TRAPPC13: variants seen among roughly 807,000 people sequenced by gnomAD.
TRAPPC13 encodes the protein REV7-interacting novel NHEJ regulator 1.
In TRAPPC13, 39 loss-of-function variants were observed where a neutral mutation model predicts 54.0. That is an observed-to-expected ratio of 0.72 (90% CI 0.56 to 0.94). The LOEUF (loss-of-function observed/expected upper bound fraction) is 0.94, where lower values mean the gene tolerates loss of function less well. Among genes scored for constraint, TRAPPC13 ranks in the 40% least tolerant of loss-of-function variants. The pLI is 0.00. For missense variants in TRAPPC13, 386 were observed against 488.1 expected (o/e 0.79, Z 1.97); for synonymous variants, 148 against 167.7 (o/e 0.88, Z 0.91).
Position 65,662,109 on chromosome 5 carries a change from T to C in TRAPPC13, c.957T>C (p.Leu319=), listed in dbSNP as rs1483129640. The change falls in exon 11 of 13, where the codon CTT becomes CTC. Residue 319 remains leucine (L), a synonymous_variant. Coordinates refer to ENST00000399438, the MANE Select transcript of TRAPPC13 (RefSeq NM_024941.4). The part of the protein sequence containing the change: ...SLEAIPDTVN[L]EEPFHITCKI... ...AGGCAATACCAGATACCGTAAACCT[T>C]GAAGAACCTTTTCATATTACCTGTA... The C allele has an allele frequency of 1.2e-6, 2 of 1,609,060 alleles. No homozygotes were observed. Among genetic ancestry groups the C allele is most frequent in the Non-Finnish European group, 1.7e-6 (2 of 1,177,772 alleles).
chr5:65,664,021 G>C (rs1756934176), intron 11 of TRAPPC13: 1 of 510,004 alleles, frequency 2.0e-6, no homozygotes, highest in East Asian at 3.4e-5. Context: ...AGGCAGATTA[G>C]TCTGAGGCTA....
intron 4 of TRAPPC13, 42 bp downstream of exon 4, chr5:65,637,822 A>G (rs1755809064): frequency 1.5e-6 from 2 of 1,333,736 alleles, no homozygotes; most frequent in East Asian, 2.5e-5. Flanking sequence ...AGTCTTTAAC[A>G]AAGGTTTTTT....
At chr5:65,632,986 G>A (rs560370162) in intron 1 of TRAPPC13, among the ~76,000 whole-genome samples, 53 of 152,290 alleles carry the variant, frequency 3.5e-4, no homozygotes, top group South Asian at 1.2e-3. Context: ...ACTGAACGTA[G>A]TACATAAGAG....
chr5:65,647,000 C>T, intron 4 of TRAPPC13, 55 bp from the exon 5 acceptor site: 2 of 1,485,306 alleles, frequency 1.3e-6, no homozygotes, highest in East Asian at 2.5e-5. Flanking sequence ...CATGCACACC[C>T]TGTAGGTAAC....
intron 1 of TRAPPC13, among the ~76,000 whole-genome samples, chr5:65,629,141 CTT>C (rs1399703894): frequency 1.3e-5 from 2 of 152,076 alleles, no homozygotes; most frequent in Admixed American, 6.6e-5. Context: ...TTCATTTACT[CTT>C]TGTTTCTGCT....
Position 65,658,516 on chromosome 5 carries a change from A to G in TRAPPC13, c.698+15A>G. 1 of 1,541,074 alleles carries G rather than the reference A, an allele frequency of 6.5e-7. No individual in the cohort carries two copies. Among genetic ancestry groups the G allele is most frequent in the Non-Finnish European group, 8.8e-7 (1 of 1,140,568 alleles). ...GCTGGAGAATGGTAAATATTAATTT[A>G]TGAAGTCTTTATCCTTGTTTTGAAA... On this transcript the variant is annotated intron_variant, in intron 9 of 12. Coordinates refer to ENST00000399438, the MANE Select transcript of TRAPPC13 (RefSeq NM_024941.4).
chr5:65,627,096 C>T (rs1253843480), intron 1 of TRAPPC13, among the ~76,000 whole-genome samples: 1 of 132,236 alleles, frequency 7.6e-6, no homozygotes, highest in Admixed American at 8.7e-5. Context: ...TGCGCCACTG[C>T]ACTCCAGCCT....
In TRAPPC13 at chr5:65,650,817, T is replaced by G; in HGVS notation, c.436T>G (p.Cys146Gly). Residue 146 changes from cysteine (C) to glycine (G), a missense_variant, in exon 6 of 13, where the codon TGT becomes GGT. By Grantham distance (159) the Cys-to-Gly change is radical. Coordinates refer to ENST00000399438, the MANE Select transcript of TRAPPC13 (RefSeq NM_024941.4). ...VKEIGTHILV[C>G]AVSYTTQAGE... ...GACATCTTTCTGTTTCAGCTTGGTA[T>G]GTGCTGTGAGTTATACAACTCAGGC... is the stretch of plus-strand genomic sequence containing the variant. 6.2e-7 allele frequency: 1 copy of G among 1,612,840 alleles called. No homozygotes were observed. The highest frequency in any genetic ancestry group is 8.5e-7 in the Non-Finnish European group (1 of 1,179,524).
Position 65,664,554 on chromosome 5 carries a change from A to G in TRAPPC13, c.1197A>G (p.Glu399=). 6.2e-7 allele frequency: 1 copy of G among 1,612,366 alleles called. No individual in the cohort carries two copies. Among genetic ancestry groups the G allele is most frequent in the Non-Finnish European group, 8.5e-7 (1 of 1,179,574 alleles). Residue 399 remains glutamate (E), a synonymous_variant, in exon 13 of 13, where the codon GAA becomes GAG. Coordinates refer to ENST00000399438, the MANE Select transcript of TRAPPC13 (RefSeq NM_024941.4). ...ACACATTCTTAAAGAGAACATATGA[A>G]TATGATGACATCGCACAAGTCTGTG... ...LTDTFLKRTY[E]YDDIAQVCVV... is the part of the protein sequence containing the mutation.
rs1330686613 is a variant in TRAPPC13, at chr5:65,664,178, G to A, written c.999-59G>A. On this transcript the variant is annotated intron_variant, in intron 11 of 12. Coordinates refer to ENST00000399438, the MANE Select transcript of TRAPPC13 (RefSeq NM_024941.4). ...GTTTACTGTCACTAGTAGAAATATT[G>A]CAGTACCTCTTTGTGAAATGAACAA... is the stretch of plus-strand genomic sequence containing the variant. The A allele has an allele frequency of 5.2e-6, 8 of 1,531,330 alleles. No individual in the cohort carries two copies. In the East Asian group the frequency reaches 1.4e-4, roughly 26 times the overall value. The allele number at this position is 1,531,330 out of a possible 1,614,324, so 94.9% of individuals were successfully genotyped here.
chr5:65,654,682 C>A (rs549772660), intron 7 of TRAPPC13, among the ~76,000 whole-genome samples: 1 of 152,222 alleles, frequency 6.6e-6, no homozygotes, highest in South Asian at 2.1e-4. Context: ...ACATCTGTCT[C>A]AAACATATAT....
At chr5:65,630,426 A>C in intron 1 of TRAPPC13, 3 of 1,405,910 alleles carry the variant, frequency 2.1e-6, no homozygotes, top group South Asian at 3.4e-5. Flanking sequence ...AGGTTTTAAA[A>C]TTTTTAATGA....
In TRAPPC13 at chr5:65,651,842, G is replaced by GTTTT. The variant is rs762929434; in HGVS notation, c.502-624_502-621dup. Among the ~76,000 whole-genome samples the GTTTT allele has an allele frequency of 2.9e-4, 12 of 41,162 alleles. 3 individuals carry two copies. The highest frequency in any genetic ancestry group is 6.5e-4 in the African/African-American group (7 of 10,806). The allele number at this position is 41,162 out of a possible 152,430, so 27.0% of individuals were successfully genotyped here. A position where few individuals can be genotyped will look rare whatever the true frequency, so the allele number is the denominator to read the frequency against. On this transcript the variant is annotated intron_variant, in intron 6 of 12. Transcript: ENST00000399438. ...TTGAAAGAAAATAAAACGTGATTCAGTTTTTTTTTTTTTTTTTTTTTTTTT... is the reference window on the plus strand; with the variant it reads ...TTGAAAGAAAATAAAACGTGATTCAGTTTTTTTTTTTTTTTTTTTTTTTTTTTTT...
At chr5:65,661,054 A>G (rs1756834907) in intron 10 of TRAPPC13, 157 bp downstream of exon 10, 2 of 573,258 alleles carry the variant, frequency 3.5e-6, no homozygotes, top group Non-Finnish European at 6.0e-6. Context: ...ACTGATAGGT[A>G]GGTCGAAGAC....
At chr5:65,646,932 G>A (rs1756232818) in intron 4 of TRAPPC13, 123 bp from the exon 5 acceptor site, 3 of 915,252 alleles carry the variant, frequency 3.3e-6, no homozygotes, top group Non-Finnish European at 4.8e-6. Flanking sequence ...TAAAAGTGTT[G>A]CTCCCCCTTT....
At chr5:65,635,793 T>G (rs905848405) in intron 2 of TRAPPC13, 151 bp from the exon 3 acceptor site, 6 of 517,614 alleles carry the variant, frequency 1.2e-5, no homozygotes, top group African/African-American at 9.9e-5. Context: ...TTGACATGCT[T>G]TGTTGTATTA....
rs751925671 is a variant in TRAPPC13, at chr5:65,635,297, A to G, written c.47-4A>G. The stretch of plus-strand genomic sequence containing the variant: ...TTGTTTTCTTTTACTTTTTTACTTC[A>G]CAGTGATGCGGCTGACTAAGCCTAC... On this transcript the variant is annotated splice_region_variant and splice_polypyrimidine_tract_variant and intron_variant, in intron 1 of 12. Transcript: ENST00000399438. 6.2e-7 allele frequency: 1 copy of G among 1,613,078 alleles called. No individual in the cohort carries two copies. Among genetic ancestry groups the G allele is most frequent in the Non-Finnish European group, 8.5e-7 (1 of 1,179,274 alleles).
chr5:65,664,137 G>A (rs774599733), intron 11 of TRAPPC13, 100 bp from the exon 12 acceptor site: 4 of 1,190,496 alleles, frequency 3.4e-6, no homozygotes, highest in Non-Finnish European at 4.8e-6. Context: ...TATTCTCCTG[G>A]ATATGGAGAA....
intron 4 of TRAPPC13, among the ~76,000 whole-genome samples, chr5:65,642,749 C>T (rs182337544): frequency 2.0e-3 from 300 of 152,264 alleles, no homozygotes; most frequent in African/African-American, 6.6e-3. Context: ...TAGCCTCCAC[C>T]TCCAAGGTTC....
Sources: allele counts gnomAD v4.1 joint callset (sites outside exome capture counted in the v4.1 genomes callset), GRCh38; gene constraint gnomAD v4.1.1; transcripts MANE v1.5; gene names NCBI Gene and HGNC (gene_info 2026-07-23, HGNC 2026-07-21).